KLHL1: variants seen among roughly 807,000 people sequenced by gnomAD.
KLHL1 encodes the protein kelch like family member 1.
Under a neutral mutation model 77.7 loss-of-function variants are expected in KLHL1, and 47 were observed. The observed-to-expected ratio is 0.60, with a 90% CI of 0.48 to 0.77. The LOEUF is 0.77. Among genes scored for constraint, KLHL1 ranks in the 30% least tolerant of loss-of-function variants. The pLI is 0.00. For synonymous variants in KLHL1, 360 were observed against 325.2 expected (o/e 1.11, Z -1.15); for missense variants, 925 against 910.8 (o/e 1.02, Z -0.20).
intron 2 of KLHL1, among the ~76,000 whole-genome samples, chr13:69,964,033 AT>A (rs142377988): frequency 4.3e-5 from 5 of 115,136 alleles, no homozygotes; most frequent in Non-Finnish European, 7.5e-5. Flanking sequence ...CACTGTTGGA[AT>A]TTTTTTGTCA....
chr13:70,044,232 A>G (rs1045947924), intron 1 of KLHL1, among the ~76,000 whole-genome samples: 4 of 152,112 alleles, frequency 2.6e-5, no homozygotes, highest in Non-Finnish European at 5.9e-5. Context: ...TCCCACGTAC[A>G]TGCACTTCAC....
chr13:69,790,834 G>T (rs1176474049), intron 7 of KLHL1, among the ~76,000 whole-genome samples: 2 of 152,118 alleles, frequency 1.3e-5, no homozygotes, highest in Non-Finnish European at 2.9e-5. Flanking sequence ...TGGATCACCT[G>T]AGGTCAGGAG....
chr13:70,051,819 T>C (rs57874472), intron 1 of KLHL1, among the ~76,000 whole-genome samples: 8,472 of 152,056 alleles, frequency 0.056, 783 homozygotes, highest in African/African-American at 0.19. Flanking sequence ...TTTTCAGAGA[T>C]TGATGGTAGA....
At chr13:70,061,159 T>A (rs1566542438) in intron 1 of KLHL1, among the ~76,000 whole-genome samples, 1 of 152,116 alleles carries the variant, frequency 6.6e-6, no homozygotes, top group Non-Finnish European at 1.5e-5. Flanking sequence ...ACTTAATGTT[T>A]TAATCAAATT....
chr13:70,057,406 G>A (rs1355929416), intron 1 of KLHL1, among the ~76,000 whole-genome samples: 1 of 140,228 alleles, frequency 7.1e-6, no homozygotes, highest in African/African-American at 2.6e-5. Context: ...TATAAGGAGG[G>A]AATACTTCCA....
At chr13:69,974,807 G>T (rs1025607577) in intron 2 of KLHL1, among the ~76,000 whole-genome samples, 4 of 151,978 alleles carry the variant, frequency 2.6e-5, no homozygotes, top group African/African-American at 9.7e-5. Flanking sequence ...CACATATTAT[G>T]ACATTGAATA....
intron 7 of KLHL1, among the ~76,000 whole-genome samples, chr13:69,792,255 T>G (rs1014426044): frequency 1.3e-5 from 2 of 151,962 alleles, no homozygotes; most frequent in African/African-American, 4.8e-5. Context: ...AAGACAAGAA[T>G]AGGAAAATAT....
chr13:69,746,809 A>T (rs1220979253), intron 7 of KLHL1, among the ~76,000 whole-genome samples: 1 of 152,042 alleles, frequency 6.6e-6, no homozygotes, highest in Non-Finnish European at 1.5e-5. Context: ...AATAATAGCA[A>T]GGAAAAAAGG....
chr13:69,914,104 G>A (rs778057598), intron 4 of KLHL1, among the ~76,000 whole-genome samples: 1 of 152,106 alleles, frequency 6.6e-6, no homozygotes, highest in Non-Finnish European at 1.5e-5. Flanking sequence ...TCAGCTTTGG[G>A]ACTCGGACTG....
chr13:69,911,182 C>T (rs1225288343), intron 4 of KLHL1, among the ~76,000 whole-genome samples: 2 of 151,964 alleles, frequency 1.3e-5, no homozygotes, highest in Non-Finnish European at 2.9e-5. Flanking sequence ...CAAAATTATT[C>T]ACAATTTTTA....
At chr13:69,895,771 G>C (rs1170686831) in intron 4 of KLHL1, among the ~76,000 whole-genome samples, 1 of 150,542 alleles carries the variant, frequency 6.6e-6, no homozygotes, top group East Asian at 2.0e-4. Context: ...CAGTGGTGTG[G>C]TCTCGGCTCA....
intron 4 of KLHL1, among the ~76,000 whole-genome samples, chr13:69,887,410 C>A (rs946572029): frequency 2.0e-5 from 3 of 152,140 alleles, no homozygotes; most frequent in Non-Finnish European, 2.9e-5. Flanking sequence ...TTTTTTACAA[C>A]AGGGCCAGGC....
At chr13:69,967,516 A>G (rs1035220744) in intron 2 of KLHL1, among the ~76,000 whole-genome samples, 1 of 152,208 alleles carries the variant, frequency 6.6e-6, no homozygotes, top group Admixed American at 6.5e-5. Context: ...TGAGCAAAGA[A>G]AATGATTCTT....
chr13:69,703,179 G>A (rs1875474912), intron 10 of KLHL1, among the ~76,000 whole-genome samples: 1 of 151,538 alleles, frequency 6.6e-6, no homozygotes, highest in Non-Finnish European at 1.5e-5. Flanking sequence ...TACAATGGTG[G>A]TCCCATAAGA....
chr13:69,754,286 T>C (rs1874614133), intron 7 of KLHL1, among the ~76,000 whole-genome samples: 1 of 152,166 alleles, frequency 6.6e-6, no homozygotes, highest in African/African-American at 2.4e-5. Flanking sequence ...AAATATATTA[T>C]CACATATTGA....
chr13:70,040,436 T>G (rs1162403782), intron 1 of KLHL1, among the ~76,000 whole-genome samples: 1 of 152,178 alleles, frequency 6.6e-6, no homozygotes, highest in African/African-American at 2.4e-5. Flanking sequence ...AACCTGCACA[T>G]GTACCTGTGA....
chr13:69,916,194 G>C (rs1293869466), intron 4 of KLHL1, among the ~76,000 whole-genome samples: 1 of 151,980 alleles, frequency 6.6e-6, no homozygotes, highest in African/African-American at 2.4e-5. Flanking sequence ...ATTCCTCAGG[G>C]ATCTAGAACT....
chr13:69,876,147 T>C (rs932926815), intron 5 of KLHL1, among the ~76,000 whole-genome samples: 2 of 152,150 alleles, frequency 1.3e-5, no homozygotes, highest in African/African-American at 2.4e-5. Context: ...TATCAAGGAG[T>C]AGTTTGGGGA....
intron 1 of KLHL1, among the ~76,000 whole-genome samples, chr13:70,031,125 C>CGT (rs879806382): frequency 0.62 from 92,866 of 149,930 alleles, 29,906 homozygotes; most frequent in East Asian, 0.81. Flanking sequence ...CAAAAAAAAA[C>CGT]CCAGATGTTA....
Sources: gnomAD v4.1 joint callset for allele counts (sites outside exome capture counted in the v4.1 genomes callset) on GRCh38, gnomAD v4.1.1 for gene constraint, MANE v1.5 for transcripts, NCBI Gene and HGNC (gene_info 2026-07-23, HGNC 2026-07-21) for gene names.